The following PARD3B variants were observed in gnomAD, a reference collection of about 807,000 sequenced individuals.
The protein encoded by PARD3B is par-3 family cell polarity regulator beta.
A neutral mutation model predicts 130.2 loss-of-function variants in PARD3B; 103 were observed. The ratio of observed to expected loss-of-function variants is 0.79; its 90% CI spans 0.67 to 0.93. PARD3B has a LOEUF of 0.93. Ranked by LOEUF, PARD3B falls within the 40% of genes least tolerant of loss-of-function variation. The pLI is 0.00. For synonymous variants in PARD3B, 583 were observed against 553.2 expected, an observed-to-expected ratio of 1.05 and a Z score of -0.76; for missense variants, 1,609 against 1,499.2, an observed-to-expected ratio of 1.07 and a Z score of -1.21.
At chr2:205,223,276 T>C (rs2038343716) in intron 15 of PARD3B, among the ~76,000 whole-genome samples, 1 of 152,116 alleles carries the variant, frequency 6.6e-6, no homozygotes, top group Non-Finnish European at 1.5e-5. Context: ...TCATAGGCAG[T>C]GAAATATTAG....
At chr2:204,550,698 A>G (rs1030078602) in intron 1 of PARD3B, among the ~76,000 whole-genome samples, 4 of 152,212 alleles carry the variant, frequency 2.6e-5, no homozygotes, top group African/African-American at 9.6e-5. Context: ...TTTGAATAAT[A>G]TGTTTGTTTT....
intron 2 of PARD3B, among the ~76,000 whole-genome samples, chr2:204,888,487 T>C (rs1006845190): frequency 6.6e-6 from 1 of 152,144 alleles, no homozygotes; most frequent in African/African-American, 2.4e-5. Context: ...ATCCTGGTAC[T>C]TTGGGAGGCC....
At position 205,268,718 on chromosome 2, in the gene PARD3B, T is replaced by C. The variant is rs2040608119; in HGVS notation, c.2185+22896T>C. ...AGTTTTAAAATAAAATGAAGTATAA[T>C]TTTGAGGAATATAGTGCCAATTTGA... On this transcript the variant is annotated intron_variant, in intron 16 of 22. Transcript: ENST00000406610. This position sits in a 1 kb window ranked among gnomAD's most constrained non-coding sequence, Gnocchi z 4.1. Among the ~76,000 whole-genome samples, 1 of 152,134 alleles carries C rather than the reference T, an allele frequency of 6.6e-6. No individual in the cohort carries two copies. The highest frequency in any genetic ancestry group is 2.4e-5 in the African/African-American group (1 of 41,454).
At chr2:204,891,798 G>A (rs1224939618) in intron 2 of PARD3B, among the ~76,000 whole-genome samples, 9 of 152,138 alleles carry the variant, frequency 5.9e-5, no homozygotes, top group African/African-American at 2.2e-4. Flanking sequence ...TTGGCTCTCA[G>A]TAGTTAGGAG....
At position 205,122,068 on chromosome 2, in the gene PARD3B, G is replaced by C; in HGVS notation, c.1165+119G>C. 2 of 884,250 alleles carry C rather than the reference G, an allele frequency of 2.3e-6. No individual in the cohort carries two copies. Among genetic ancestry groups the C allele is most frequent in the Non-Finnish European group, 3.4e-6 (2 of 596,022 alleles). 54.8% of individuals were successfully genotyped at this position (884,250 alleles called of 1,614,324 possible). On this transcript the variant is annotated intron_variant, in intron 8 of 22. Transcript: ENST00000406610. This position sits in a 1 kb window ranked among gnomAD's most constrained non-coding sequence, Gnocchi z 4.3. ...CTTCATTTAATTGTATCAAAGAATAGATTTAAGTGTATACTTAGGTAACTT... is the reference window on the plus strand; with the variant it reads ...CTTCATTTAATTGTATCAAAGAATACATTTAAGTGTATACTTAGGTAACTT...
rs536637033 is a variant in PARD3B at position 205,618,328 on chromosome 2, A to T, written c.*2515A>T. On this transcript the variant is annotated 3_prime_UTR_variant, in exon 23 of 23. Coordinates refer to ENST00000406610, the MANE Select transcript of PARD3B (RefSeq NM_001302769.2). ...CAACAATTAACAGCTCAAGTGTAAG[A>T]TTTATAAATGCCCGTGTACTCACCC... 10 of 152,340 alleles carry T rather than the reference A, an allele frequency of 6.6e-5. No homozygotes were observed. In the South Asian group the frequency reaches 2.1e-3, roughly 32 times the overall value. 9.4% of individuals were successfully genotyped at this position (152,340 alleles called of 1,614,324 possible).
chr2:204,686,132 A>G, intron 1 of PARD3B, 49 bp from the exon 2 acceptor site: 1 of 1,295,104 alleles, frequency 7.7e-7, no homozygotes, highest in Non-Finnish European at 1.1e-6. Context: ...AATGTGTTTA[A>G]CTTTTTAACA....
Position 205,247,996 on chromosome 2 carries a change from A to ACAGCTCACTGCAGCCT in PARD3B, c.2185+2177_2185+2192dup, listed in dbSNP as rs563684800. Among the ~76,000 whole-genome samples the ACAGCTCACTGCAGCCT allele has an allele frequency of 2.7e-3, 407 of 152,168 alleles. 2 individuals carry two copies. The highest frequency in any genetic ancestry group is 9.2e-3 in the African/African-American group (383 of 41,520). Reference sequence around the variant, plus strand: ...CAGGCTGGAGTGCAATGCCATGATCACAGCTCACTGCAGCCTCAACTTCCC... The same window carrying ACAGCTCACTGCAGCCT: ...CAGGCTGGAGTGCAATGCCATGATCACAGCTCACTGCAGCCTCAGCTCACTGCAGCCTCAACTTCCC... On this transcript the variant is annotated intron_variant, in intron 16 of 22. Transcript: ENST00000406610.
intron 14 of PARD3B, among the ~76,000 whole-genome samples, chr2:205,191,260 GTGC>G (rs566045832): frequency 3.2e-4 from 49 of 152,076 alleles, no homozygotes; most frequent in Non-Finnish European, 6.6e-4. Context: ...CTCTTACTGT[GTGC>G]TAGGTACTTT....
intron 2 of PARD3B, among the ~76,000 whole-genome samples, chr2:204,722,849 A>G (rs1166796451): frequency 6.6e-6 from 1 of 152,048 alleles, no homozygotes; most frequent in Non-Finnish European, 1.5e-5. Flanking sequence ...GATGAAGGCT[A>G]TGCTGTCTGG....
At chr2:204,958,135 G>A (rs1248672064) in intron 2 of PARD3B, among the ~76,000 whole-genome samples, 2 of 152,090 alleles carry the variant, frequency 1.3e-5, no homozygotes, top group South Asian at 4.1e-4. Context: ...TATAAATACA[G>A]TTGATTTTAC....
intron 19 of PARD3B, among the ~76,000 whole-genome samples, chr2:205,401,866 T>A (rs2046263587): frequency 6.6e-6 from 1 of 152,246 alleles, no homozygotes; most frequent in Non-Finnish European, 1.5e-5. Context: ...ACTGAGATTA[T>A]GACAAAACCA....
intron 19 of PARD3B, among the ~76,000 whole-genome samples, chr2:205,432,844 A>G (rs2047384052): frequency 6.6e-6 from 1 of 152,012 alleles, no homozygotes; most frequent in African/African-American, 2.4e-5. Context: ...TTTCCCCTAT[A>G]CTACTTACTA....
chr2:204,606,358 C>A lies in PARD3B; in HGVS notation c.120+60239C>A, dbSNP rs1197208136. Among the ~76,000 whole-genome samples the A allele has an allele frequency of 1.3e-5, 2 of 152,158 alleles. No individual in the cohort carries two copies. Among genetic ancestry groups the A allele is most frequent in the Non-Finnish European group, 2.9e-5 (2 of 68,022 alleles). On this transcript the variant is annotated intron_variant, in intron 1 of 22. Transcript: ENST00000406610. This position sits in a 1 kb window ranked among gnomAD's most constrained non-coding sequence, Gnocchi z 4.0. ...CTACTTTTTTAGTACTTTAGTTTCT[C>A]AGTCATGCTTTTGTCCATGGTGAGT...
intron 2 of PARD3B, among the ~76,000 whole-genome samples, chr2:204,778,904 T>C (rs1245679439): frequency 6.6e-6 from 1 of 152,178 alleles, no homozygotes; most frequent in Non-Finnish European, 1.5e-5. Flanking sequence ...TGAGTTCTTA[T>C]TGCTCTTAAG....
chr2:205,169,843 A>G (rs1337450811), intron 11 of PARD3B, among the ~76,000 whole-genome samples: 1 of 152,094 alleles, frequency 6.6e-6, no homozygotes, highest in Non-Finnish European at 1.5e-5. Context: ...CTCCTTTCTT[A>G]TATGACAATA....
chr2:205,569,374 T>C (rs939601977), intron 22 of PARD3B, among the ~76,000 whole-genome samples: 3 of 152,232 alleles, frequency 2.0e-5, no homozygotes, highest in Admixed American at 2.0e-4. Context: ...ATCTTTCATC[T>C]TTTGCCTTAT....
intron 13 of PARD3B, among the ~76,000 whole-genome samples, chr2:205,179,516 T>G (rs2035670042): frequency 6.6e-6 from 1 of 152,218 alleles, no homozygotes; most frequent in Non-Finnish European, 1.5e-5. Context: ...GTAGCTTTTC[T>G]GTTTACATAC....
At chr2:204,580,762 G>A (rs1202683873) in intron 1 of PARD3B, among the ~76,000 whole-genome samples, 1 of 152,120 alleles carries the variant, frequency 6.6e-6, no homozygotes, top group Non-Finnish European at 1.5e-5. Context: ...GGATTTGGAA[G>A]GGCTCTATAA....
Sources: allele counts gnomAD v4.1 joint callset (sites outside exome capture counted in the v4.1 genomes callset), GRCh38; gene constraint gnomAD v4.1.1; non-coding constraint Gnocchi (gnomAD v3.1); transcripts MANE v1.5; gene names NCBI Gene and HGNC (gene_info 2026-07-23, HGNC 2026-07-21).